Variants in PRKAR1A observed in about 807,000 individuals in gnomAD.
PRKAR1A encodes the protein cAMP-dependent protein kinase type I-alpha regulatory subunit.
In PRKAR1A, 3 loss-of-function variants were observed where a neutral mutation model predicts 52.0. The ratio of observed to expected loss-of-function variants is 0.06; its 90% CI spans 0.03 to 0.15. The LOEUF is 0.15. Among genes scored for constraint, PRKAR1A ranks in the 10% least tolerant of loss-of-function variants. The pLI, the probability that PRKAR1A is intolerant of heterozygous loss-of-function variation, is 1.00. For synonymous variants in PRKAR1A, 188 were observed against 168.4 expected (o/e 1.12, Z -0.90); for missense variants, 240 against 477.4 (o/e 0.50, Z 4.63).
chr17:68,426,814 T>C, the PRKAR1A span, among the ~76,000 whole-genome samples: 122,975 of 152,180 alleles, frequency 0.81, 49,864 homozygotes, highest in African/African-American at 0.87. Context: ...GGATTACAGG[T>C]GTGAGCCAAT....
the PRKAR1A span, among the ~76,000 whole-genome samples, chr17:68,498,915 G>T: frequency 6.6e-6 from 1 of 152,186 alleles, no homozygotes; most frequent in South Asian, 2.1e-4. Context: ...AAGTTCAGTA[G>T]CTTTGCTTAG....
chr17:68,447,984 CAAAAAAAAAAAA>C, the PRKAR1A span, among the ~76,000 whole-genome samples: 1 of 80,244 alleles, frequency 1.2e-5, no homozygotes, highest in Admixed American at 1.4e-4. Flanking sequence ...GACTCTATCT[CAAAAAAAAAAAA>C]AAAAAAAAAA....
chr17:68,436,223 C>T, the PRKAR1A span, among the ~76,000 whole-genome samples: 1 of 152,286 alleles, frequency 6.6e-6, no homozygotes, highest in East Asian at 1.9e-4. Context: ...TCACAGCAAG[C>T]CCGAGGGGAA....
At position 68,515,756 on chromosome 17, in the gene PRKAR1A, G is replaced by A. The variant is rs187259131; in HGVS notation, c.177+180G>A. Reference sequence around the variant, plus strand: ...GTAGTAATTTAAAAATTCTTAATTAGTAGAATTTATCAGAAAAATGAACCT... The same window carrying A: ...GTAGTAATTTAAAAATTCTTAATTAATAGAATTTATCAGAAAAATGAACCT... On this transcript the variant is annotated intron_variant, in intron 2 of 10. Transcript: ENST00000589228. 1.0e-5 allele frequency: 8 copies of A among 775,656 alleles called. No individual in the cohort carries two copies. The East Asian group carries it at 1.9e-4, about 19-fold the overall frequency. 48.0% of individuals were successfully genotyped at this position (775,656 alleles called of 1,614,324 possible).
the PRKAR1A span, among the ~76,000 whole-genome samples, chr17:68,443,123 T>A: frequency 6.6e-6 from 1 of 152,178 alleles, no homozygotes; most frequent in African/African-American, 2.4e-5. Flanking sequence ...TTATTCATTG[T>A]TTTTTGAGAC....
chr17:68,475,448 CATTTT>C, the PRKAR1A span, among the ~76,000 whole-genome samples: 165 of 152,254 alleles, frequency 1.1e-3, 1 homozygote, highest in African/African-American at 3.8e-3. Flanking sequence ...TCATCCTAGC[CATTTT>C]ATTTTGTTTT....
At chr17:68,434,259 CA>C in the PRKAR1A span, among the ~76,000 whole-genome samples, 61 of 152,252 alleles carry the variant, frequency 4.0e-4, no homozygotes, top group African/African-American at 1.3e-3. Context: ...GGAAGGAAAT[CA>C]GAAATTATTT....
chr17:68,542,627 T>C, intron 11 of PRKAR1A: 2 of 1,208,088 alleles, frequency 1.7e-6, no homozygotes, highest in East Asian at 2.3e-5. Flanking sequence ...CACTGATGAA[T>C]GGAGGGGTGG....
At chr17:68,515,850 T>G in intron 2 of PRKAR1A, 1 of 444,842 alleles carries the variant, frequency 2.2e-6, no homozygotes, top group Non-Finnish European at 4.1e-6. Flanking sequence ...AATTAGTGCG[T>G]AGAACTATAA....
the PRKAR1A span, chr17:68,427,321 A>G: frequency 2.4e-6 from 3 of 1,224,896 alleles, no homozygotes; most frequent in Middle Eastern, 1.9e-4. Flanking sequence ...CACCTTCCAA[A>G]GGAAAAGCAT....
chr17:68,459,419 A>AC, the PRKAR1A span, among the ~76,000 whole-genome samples: 1 of 152,224 alleles, frequency 6.6e-6, no homozygotes, highest in Non-Finnish European at 1.5e-5. Context: ...TATGGGATAG[A>AC]CCTGGGAGCT....
the PRKAR1A span, chr17:68,427,049 AAGGGGGAAGGGGAGGGAGCGTGC>A: frequency 8.9e-7 from 1 of 1,124,516 alleles, no homozygotes. Context: ...GGTAACAGTG[AAGGGGGAAGGGGAGGGAGCGTGC>A]AGGGAGAAGG....
chr17:68,512,904 C>T (rs1291483279), intron 1 of PRKAR1A: 2 of 152,346 alleles, frequency 1.3e-5, no homozygotes, highest in South Asian at 2.1e-4. Flanking sequence ...CCCCCATTTC[C>T]TGAAGGACAA....
At chr17:68,441,072 A>G in the PRKAR1A span, 1 of 152,194 alleles carries the variant, frequency 6.6e-6, no homozygotes, top group Non-Finnish European at 1.5e-5. Context: ...CTCCCTCAAT[A>G]TCCCATAAAA....
chr17:68,421,950 G>T, the PRKAR1A span: 2 of 1,155,772 alleles, frequency 1.7e-6, no homozygotes, highest in Non-Finnish European at 1.3e-6. Flanking sequence ...TTTTCTGTCT[G>T]AACTCGCTCA....
At chr17:68,421,260 A>T in the PRKAR1A span, 4,276 of 153,446 alleles carry the variant, frequency 0.028, 195 homozygotes, top group African/African-American at 0.097. Flanking sequence ...GAAACAAAAA[A>T]ATATATAAAA....
the PRKAR1A span, among the ~76,000 whole-genome samples, chr17:68,447,666 C>T: frequency 6.6e-6 from 1 of 152,184 alleles, no homozygotes; most frequent in Non-Finnish European, 1.5e-5. Context: ...GCTGGGACCA[C>T]ACTTGGCCCT....
the PRKAR1A span, among the ~76,000 whole-genome samples, chr17:68,502,636 C>T: frequency 6.6e-6 from 1 of 151,636 alleles, no homozygotes; most frequent in Non-Finnish European, 1.5e-5. Context: ...TCTGTAATCC[C>T]AGCTATTTAG....
intron 11 of PRKAR1A, among the ~76,000 whole-genome samples, chr17:68,539,718 C>T (rs2086205635): frequency 6.6e-6 from 1 of 152,146 alleles, no homozygotes; most frequent in South Asian, 2.1e-4. Flanking sequence ...GTGGTTCTTG[C>T]AAAGGTAAAG....
Sources: allele counts gnomAD v4.1 joint callset (sites outside exome capture counted in the v4.1 genomes callset), GRCh38; gene constraint gnomAD v4.1.1; transcripts MANE v1.5; gene names NCBI Gene and HGNC (gene_info 2026-07-23, HGNC 2026-07-21).